The following APAF1 variants were observed in gnomAD, a reference collection of about 807,000 sequenced individuals.
APAF1 encodes apoptotic protease-activating factor 1.
A neutral mutation model predicts 152.4 loss-of-function variants in APAF1; 91 were observed. The observed-to-expected ratio is 0.60, with a 90% CI of 0.50 to 0.71. The LOEUF (loss-of-function observed/expected upper bound fraction) is 0.71, where lower values mean the gene tolerates loss of function less well. APAF1 is among the 30% of genes least tolerant of loss of function. The pLI is 0.00. For synonymous variants in APAF1, 484 were observed against 494.1 expected (o/e 0.98, Z 0.27); for missense variants, 1,283 against 1,472.0 (o/e 0.87, Z 2.10).
intron 4 of APAF1, among the ~76,000 whole-genome samples, chr12:98,653,212 G>A (rs1184929145): frequency 6.6e-6 from 1 of 152,060 alleles, no homozygotes; most frequent in East Asian, 1.9e-4. Flanking sequence ...CTCAAATACA[G>A]GAACATTGGA....
chr12:98,660,059 G>T (rs912581953), intron 5 of APAF1, among the ~76,000 whole-genome samples: 5 of 151,784 alleles, frequency 3.3e-5, no homozygotes, highest in Admixed American at 3.3e-4. Flanking sequence ...TAAATGTCAG[G>T]AAGGGGCCAG....
At chr12:98,647,126 A>G (rs2097642001) in intron 1 of APAF1, among the ~76,000 whole-genome samples, 1 of 152,080 alleles carries the variant, frequency 6.6e-6, no homozygotes. Flanking sequence ...AAAAATTGAC[A>G]GTAGAGGCCG....
chr12:98,694,939 AT>A (rs1398972100), intron 16 of APAF1, among the ~76,000 whole-genome samples: 2 of 149,996 alleles, frequency 1.3e-5, no homozygotes, highest in Non-Finnish European at 2.9e-5. Flanking sequence ...CTGTGGCACC[AT>A]CTCGGCTCAC....
intron 21 of APAF1, chr12:98,712,688 T>A: frequency 2.4e-6 from 1 of 410,840 alleles, no homozygotes; most frequent in Non-Finnish European, 4.5e-6. Context: ...GACTAATTTT[T>A]TTTTTTTGTA....
Position 98,648,778 on chromosome 12 carries a change from C to T in APAF1, c.291C>T (p.Ser97=). 6.2e-7 allele frequency: 1 copy of T among 1,613,974 alleles called. No homozygotes were observed. Among genetic ancestry groups the T allele is most frequent in the South Asian group, 1.1e-5 (1 of 91,076 alleles). Residue 97 remains serine, a synonymous_variant, in exon 3 of 27, where the codon TCC becomes TCT. Transcript: ENST00000551964. ...LHDGIPVVSS[S]SGKDSVSGIT... ...ATGGCATTCCTGTTGTCTCTTCTTC[C>T]AGTGGTAAAGATTCAGTTAGTGGAA...
At position 98,712,454 on chromosome 12, in the gene APAF1, CA is replaced by C. The variant is rs1156258896; in HGVS notation, c.2958+20del. On this transcript the variant is annotated intron_variant, in intron 21 of 26. Coordinates refer to ENST00000551964, the MANE Select transcript of APAF1 (RefSeq NM_181861.2). The stretch of plus-strand genomic sequence containing the variant: ...CATTGAGGTATTCAGTGCTAGTCTT[CA>C]GAATCTTTCTGTACAGAATTAAATA... 7.9e-7 allele frequency: 1 copy of C among 1,270,276 alleles called. No homozygotes were observed. Among genetic ancestry groups the C allele is most frequent in the Admixed American group, 1.7e-5 (1 of 59,598 alleles). The allele number at this position is 1,270,276 out of a possible 1,614,324, so 78.7% of individuals were successfully genotyped here. A position where few individuals can be genotyped will look rare whatever the true frequency, so the allele number is the denominator to read the frequency against.
chr12:98,709,126 G>C (rs2097724994), intron 20 of APAF1, among the ~76,000 whole-genome samples: 1 of 152,204 alleles, frequency 6.6e-6, no homozygotes, highest in African/African-American at 2.4e-5. Context: ...GAGTCTGATT[G>C]ATTGGAACTG....
At chr12:98,647,133 G>T (rs1444995558) in intron 1 of APAF1, among the ~76,000 whole-genome samples, 1 of 151,884 alleles carries the variant, frequency 6.6e-6, no homozygotes, top group Admixed American at 6.6e-5. Flanking sequence ...GACAGTAGAG[G>T]CCGGGCATGG....
rs1429607769 is a variant in APAF1, at chr12:98,712,367, G to C, written c.2890G>C (p.Val964Leu). ...GQIDYLTEAQ[V>L]SCCCLSPHLQ... ...GATTGATTATCTGACTGAAGCTCAA[G>C]TTAGCTGCTGTTGCTTAAGTCCACA... The change falls in exon 21 of 27, where the codon GTT becomes CTT. Residue 964 changes from valine to leucine, a missense_variant. Val to Leu is a conservative substitution (Grantham distance 32). Coordinates refer to ENST00000551964, the MANE Select transcript of APAF1 (RefSeq NM_181861.2). 2.5e-6 allele frequency: 4 copies of C among 1,613,716 alleles called. No individual in the cohort carries two copies. The highest frequency in any genetic ancestry group is 3.4e-6 in the Non-Finnish European group (4 of 1,179,752).
At chr12:98,715,834 G>T (rs899916573) in intron 22 of APAF1, among the ~76,000 whole-genome samples, 2 of 152,110 alleles carry the variant, frequency 1.3e-5, no homozygotes, top group African/African-American at 4.8e-5. Context: ...GTATCAGTAA[G>T]TATACTTTTT....
chr12:98,712,560 C>CCTGT (rs1352727070), intron 21 of APAF1, 125 bp downstream of exon 21: 1 of 688,616 alleles, frequency 1.5e-6, no homozygotes, highest in African/African-American at 1.8e-5. Context: ...CTGTGTCACC[C>CCTGT]ACGCTGAGTA....
chr12:98,647,991 T>C (rs12831555), intron 1 of APAF1, among the ~76,000 whole-genome samples: 1 of 152,306 alleles, frequency 6.6e-6, no homozygotes, highest in African/African-American at 2.4e-5. Context: ...ATTCTCCTTG[T>C]GGATATTTTT....
intron 16 of APAF1, among the ~76,000 whole-genome samples, chr12:98,693,524 A>G (rs1208588793): frequency 6.6e-6 from 1 of 152,050 alleles, no homozygotes; most frequent in Non-Finnish European, 1.5e-5. Context: ...CCTGGGGTTG[A>G]TAAGTTTGTT....
At chr12:98,662,902 A>C in intron 7 of APAF1, 96 bp downstream of exon 7, 1 of 1,181,678 alleles carries the variant, frequency 8.5e-7, no homozygotes, top group Non-Finnish European at 1.2e-6. Context: ...TAGCACATGA[A>C]CATCCAAAAA....
At chr12:98,666,500 A>G (rs1171905855) in intron 9 of APAF1, 143 bp downstream of exon 9, 3 of 791,024 alleles carry the variant, frequency 3.8e-6, no homozygotes, top group Admixed American at 2.8e-5. Flanking sequence ...TTATATAACC[A>G]TAGTACAGTT....
chr12:98,706,698 G>A (rs1290905587), intron 19 of APAF1, 88 bp downstream of exon 19: 10 of 1,488,858 alleles, frequency 6.7e-6, no homozygotes, highest in Non-Finnish European at 9.3e-6. Context: ...GTAGCACTGA[G>A]GTAAGCAGAA....
chr12:98,648,168 C>A, intron 1 of APAF1, 151 bp from the exon 2 acceptor site: 1 of 663,426 alleles, frequency 1.5e-6, no homozygotes, highest in Non-Finnish European at 2.6e-6. Context: ...TTTCTCATAC[C>A]TTTCCAAGCA....
chr12:98,724,926 T>C (rs1267949262), intron 24 of APAF1, among the ~76,000 whole-genome samples: 2 of 152,148 alleles, frequency 1.3e-5, no homozygotes, highest in Admixed American at 1.3e-4. Flanking sequence ...TGCCAAGAAG[T>C]AGGCTAGTAT....
At chr12:98,717,360 A>T (rs920466339) in intron 22 of APAF1, among the ~76,000 whole-genome samples, 5 of 151,286 alleles carry the variant, frequency 3.3e-5, no homozygotes, top group Admixed American at 6.6e-5. Flanking sequence ...ATATACACAC[A>T]CACACACATA....
Sources: gnomAD v4.1 joint callset for allele counts (sites outside exome capture counted in the v4.1 genomes callset) on GRCh38, gnomAD v4.1.1 for gene constraint, MANE v1.5 for transcripts, NCBI Gene and HGNC (gene_info 2026-07-23, HGNC 2026-07-21) for gene names.